MAEA: variants seen among roughly 807,000 people sequenced by gnomAD.
MAEA encodes E3 ubiquitin-protein transferase MAEA.
Under a neutral mutation model 46.2 loss-of-function variants are expected in MAEA, and 22 were observed. That is an observed-to-expected ratio of 0.48 (90% CI 0.34 to 0.68). The LOEUF (loss-of-function observed/expected upper bound fraction) is 0.68. Ranked by LOEUF, MAEA falls within the 30% of genes least tolerant of loss-of-function variation. MAEA has a pLI of 0.01. For missense variants in MAEA, 393 were observed against 558.1 expected, an observed-to-expected ratio of 0.70 and a Z score of 2.98; for synonymous variants, 246 against 222.6, an observed-to-expected ratio of 1.11 and a Z score of -0.94.
At position 1,317,383 on chromosome 4, in the gene MAEA, A is replaced by T. The variant is rs567642366; in HGVS notation, c.456+1783A>T. ...CACTCCGGACTCATCTGCAGGCCCC[A>T]CACTCCGGACTCACCCGCAGACCCA... On this transcript the variant is annotated intron_variant, in intron 3 of 8. Transcript: ENST00000303400. Among the ~76,000 whole-genome samples the T allele has an allele frequency of 8.3e-5, 12 of 144,238 alleles. No homozygotes were observed. The South Asian group carries it at 1.8e-3, about 21-fold the overall frequency. 94.6% of individuals were successfully genotyped at this position (144,238 alleles called of 152,430 possible).
At chr4:1,290,439 G>A (rs778448126) in intron 1 of MAEA, among the ~76,000 whole-genome samples, 1 of 152,206 alleles carries the variant, frequency 6.6e-6, no homozygotes, top group Admixed American at 6.5e-5. Context: ...CTCACGGCCT[G>A]ATGGCACCCA....
Position 1,332,805 on chromosome 4 carries a change from G to A in MAEA, c.705G>A (p.Glu235=), listed in dbSNP as rs779021831. The A allele has an allele frequency of 3.7e-6, 6 of 1,613,196 alleles. No homozygotes were observed. Among genetic ancestry groups the A allele is most frequent in the African/African-American group, 2.7e-5 (2 of 74,894 alleles). ...FSQAEGSQLD[E]VRQAMGMLAF... ...AAGCAGAAGGGAGCCAGCTGGACGA[G>A]GTGCGCCAGGCCATGGGCATGCTGG... The change falls in exon 6 of 9, where the codon GAG becomes GAA. Residue 235 remains glutamate (E), a synonymous_variant. Transcript: ENST00000303400.
chr4:1,327,731 G>A lies in MAEA; in HGVS notation c.656+28G>A, dbSNP rs1206666263. On this transcript the variant is annotated intron_variant, in intron 5 of 8. Transcript: ENST00000303400. ...AGGCATTGCGGACGTGCGTCTCCTC[G>A]AGGGAGGGCAGGATGTTCGGCTGCG... The A allele has an allele frequency of 1.8e-5, 29 of 1,600,578 alleles. 1 individual carries two copies. The Middle Eastern group carries it at 1.3e-3, about 73-fold the overall frequency.
At chr4:1,338,386 G>A (rs1226020792) in intron 7 of MAEA, 36 bp from the exon 8 acceptor site, 1 of 1,575,228 alleles carries the variant, frequency 6.3e-7, no homozygotes, top group Admixed American at 1.7e-5. Flanking sequence ...CGGCTGCCCT[G>A]AGTGGCCCCC....
chr4:1,301,183 T>G (rs1735286076), intron 1 of MAEA, among the ~76,000 whole-genome samples: 1 of 152,354 alleles, frequency 6.6e-6, no homozygotes, highest in East Asian at 1.9e-4. Flanking sequence ...GCGTTGCGTT[T>G]TGTCAGCAAA....
chr4:1,318,178 C>T (rs376256246), intron 3 of MAEA, among the ~76,000 whole-genome samples: 32 of 152,332 alleles, frequency 2.1e-4, no homozygotes, highest in African/African-American at 5.5e-4. Context: ...GGCGGCCCCC[C>T]GTGTGTTCAT....
At chr4:1,295,001 G>C (rs1350327822) in intron 1 of MAEA, among the ~76,000 whole-genome samples, 15 of 152,204 alleles carry the variant, frequency 9.9e-5, no homozygotes, top group Non-Finnish European at 1.8e-4. Context: ...GGGTGTCCCA[G>C]AGCTGTGCAG....
At chr4:1,304,093 C>T (rs1236371152) in intron 1 of MAEA, among the ~76,000 whole-genome samples, 1 of 152,090 alleles carries the variant, frequency 6.6e-6, no homozygotes, top group Admixed American at 6.6e-5. Flanking sequence ...CACGCACCCT[C>T]CTCCCCCTGT....
At chr4:1,336,739 T>A in intron 6 of MAEA, 122 bp from the exon 7 acceptor site, 1 of 834,822 alleles carries the variant, frequency 1.2e-6, no homozygotes, top group South Asian at 1.7e-5. Context: ...GTGCAAAGTG[T>A]GTGGGTCACT....
chr4:1,338,259 T>A, intron 7 of MAEA, 163 bp from the exon 8 acceptor site: 1 of 562,936 alleles, frequency 1.8e-6, no homozygotes, highest in Non-Finnish European at 3.1e-6. Flanking sequence ...TGTTTAGCTG[T>A]CGAGTGCAGC....
intron 3 of MAEA, among the ~76,000 whole-genome samples, chr4:1,318,689 G>A (rs75647874): frequency 5.9e-5 from 9 of 152,278 alleles, no homozygotes; most frequent in Non-Finnish European, 7.4e-5. Context: ...TGCTGTGGCC[G>A]AGGGGGAGCT....
intron 6 of MAEA, among the ~76,000 whole-genome samples, 174 bp downstream of exon 6, chr4:1,333,039 A>G (rs533424959): frequency 6.6e-6 from 1 of 152,220 alleles, no homozygotes; most frequent in Admixed American, 6.5e-5. Context: ...TTTGCTCATA[A>G]GAAATTTGAA....
At chr4:1,325,625 C>T (rs1738714123) in intron 4 of MAEA, among the ~76,000 whole-genome samples, 1 of 152,244 alleles carries the variant, frequency 6.6e-6, no homozygotes, top group Non-Finnish European at 1.5e-5. Context: ...AGCCCCGGCA[C>T]TCGCCTGCTC....
At chr4:1,338,978 G>A (rs1713177716) in intron 8 of MAEA, 96 bp from the exon 9 acceptor site, 2 of 1,040,382 alleles carry the variant, frequency 1.9e-6, no homozygotes, top group Non-Finnish European at 3.0e-6. Context: ...GAGAGGATGA[G>A]TCATTCCCTG....
At position 1,321,924 on chromosome 4, in the gene MAEA, C is replaced by T. The variant is rs367878689; in HGVS notation, c.457-457C>T. ...TATAAATCATTGGTTGTAACTACCG[C>T]GATATTAGCCATAATGTGTTTATGT... is the stretch of plus-strand genomic sequence containing the variant. On this transcript the variant is annotated intron_variant, in intron 3 of 8. Transcript: ENST00000303400. Among the ~76,000 whole-genome samples, 244 of 150,692 alleles carry T rather than the reference C, an allele frequency of 1.6e-3. 1 individual carries two copies. The highest frequency in any genetic ancestry group is 0.015 in the South Asian group (73 of 4,780).
chr4:1,316,519 T>C (rs1034571679), intron 3 of MAEA, among the ~76,000 whole-genome samples: 20 of 152,242 alleles, frequency 1.3e-4, no homozygotes, highest in African/African-American at 3.9e-4. Context: ...TTGTGCCCCA[T>C]GGCCCTGTCC....
intron 5 of MAEA, chr4:1,328,974 G>A (rs1260675314): frequency 2.6e-5 from 26 of 993,094 alleles, no homozygotes; most frequent in Non-Finnish European, 3.1e-5. Context: ...GTCAAGAGGA[G>A]GGGCTCCCGC....
intron 1 of MAEA, among the ~76,000 whole-genome samples, chr4:1,306,796 T>C (rs768901097): frequency 6.6e-6 from 1 of 152,258 alleles, no homozygotes; most frequent in Non-Finnish European, 1.5e-5. Flanking sequence ...TTTTCTCCCT[T>C]GTTTCCTTCT....
At chr4:1,337,472 TC>T (rs890511202) in intron 7 of MAEA, 8 of 202,000 alleles carry the variant, frequency 4.0e-5, no homozygotes, top group Non-Finnish European at 6.1e-5. Flanking sequence ...CTCACTGAGT[TC>T]CTGCCTGTGA....
Sources: gnomAD v4.1 joint callset for allele counts (sites outside exome capture counted in the v4.1 genomes callset) on GRCh38, gnomAD v4.1.1 for gene constraint, MANE v1.5 for transcripts, NCBI Gene and HGNC (gene_info 2026-07-23, HGNC 2026-07-21) for gene names.